DOCK3: variants seen among roughly 807,000 people sequenced by gnomAD.
DOCK3 encodes dedicator of cytokinesis protein 3.
In DOCK3, 60 loss-of-function variants were observed where a neutral mutation model predicts 265.6. The observed-to-expected ratio is 0.23, with a 90% CI of 0.18 to 0.28. DOCK3 has a LOEUF of 0.28. DOCK3 is among the 10% of genes least tolerant of loss of function. The pLI is 1.00. For synonymous variants in DOCK3, 881 were observed against 938.0 expected (o/e 0.94, Z 1.11); for missense variants, 1,981 against 2,594.3 (o/e 0.76, Z 5.14).
intron 5 of DOCK3, among the ~76,000 whole-genome samples, chr3:51,033,533 A>G (rs1421164070): frequency 6.6e-6 from 1 of 152,236 alleles, no homozygotes; most frequent in Non-Finnish European, 1.5e-5. Flanking sequence ...TATAGATCAT[A>G]CTTATCTAAA....
chr3:51,256,214 C>T (rs2079536700), intron 22 of DOCK3, among the ~76,000 whole-genome samples: 1 of 152,330 alleles, frequency 6.6e-6, no homozygotes, highest in East Asian at 1.9e-4. Flanking sequence ...CTGCATCGCT[C>T]ACGCTGGGAG....
intron 1 of DOCK3, among the ~76,000 whole-genome samples, chr3:50,693,435 T>C (rs2035379082): frequency 6.6e-6 from 1 of 152,084 alleles, no homozygotes; most frequent in Non-Finnish European, 1.5e-5. Flanking sequence ...ATTTTTCATT[T>C]TTTGGTTAAA....
chr3:50,957,567 A>T (rs1296400760), intron 5 of DOCK3, among the ~76,000 whole-genome samples: 1 of 152,222 alleles, frequency 6.6e-6, no homozygotes, highest in Non-Finnish European at 1.5e-5. Flanking sequence ...TTGTCTCATC[A>T]TTCTGTGCAC....
intron 5 of DOCK3, among the ~76,000 whole-genome samples, chr3:50,992,498 T>C (rs1336082320): frequency 6.6e-6 from 1 of 152,158 alleles, no homozygotes; most frequent in Non-Finnish European, 1.5e-5. Context: ...GGTTTCACCA[T>C]GTTGGCTAGG....
intron 1 of DOCK3, among the ~76,000 whole-genome samples, chr3:50,742,572 G>A (rs1333084249): frequency 1.5e-4 from 23 of 151,906 alleles, no homozygotes; most frequent in African/African-American, 5.1e-4. Flanking sequence ...GAGCCGATGC[G>A]ATCAACTGGA....
At chr3:50,916,075 G>C (rs890525896) in intron 4 of DOCK3, among the ~76,000 whole-genome samples, 4 of 152,014 alleles carry the variant, frequency 2.6e-5, no homozygotes, top group Non-Finnish European at 5.9e-5. Flanking sequence ...GGAGACATGC[G>C]ATAGCCATGT....
intron 1 of DOCK3, among the ~76,000 whole-genome samples, chr3:50,720,273 A>G (rs2037392563): frequency 1.3e-5 from 2 of 151,946 alleles, no homozygotes; most frequent in African/African-American, 2.4e-5. Context: ...GTTGTTTTCT[A>G]TTTTCACCCT....
At chr3:50,884,323 T>A (rs1213532376) in intron 3 of DOCK3, among the ~76,000 whole-genome samples, 1 of 152,188 alleles carries the variant, frequency 6.6e-6, no homozygotes, top group Non-Finnish European at 1.5e-5. Flanking sequence ...ACTCCTGACC[T>A]CAGGTGATTT....
chr3:51,250,505 A>G (rs533067676), intron 22 of DOCK3, among the ~76,000 whole-genome samples: 1 of 152,010 alleles, frequency 6.6e-6, no homozygotes, highest in Non-Finnish European at 1.5e-5. Context: ...TGTAATCCCA[A>G]CTACTCACGA....
chr3:50,939,197 C>CCATAAATTGTCAAAA (rs1345420294), intron 5 of DOCK3, among the ~76,000 whole-genome samples: 1 of 151,968 alleles, frequency 6.6e-6, no homozygotes, highest in African/African-American at 2.4e-5. Context: ...TTCTAGAAAA[C>CCATAAATTGTCAAAA]CATAAATTGT....
intron 2 of DOCK3, among the ~76,000 whole-genome samples, chr3:50,837,833 G>A (rs140226986): frequency 5.3e-5 from 8 of 152,302 alleles, no homozygotes; most frequent in African/African-American, 1.7e-4. Flanking sequence ...GTATAAAGGT[G>A]CTGAGGCGGG....
intron 3 of DOCK3, among the ~76,000 whole-genome samples, chr3:50,843,128 A>G (rs2045920040): frequency 6.6e-6 from 1 of 152,222 alleles, no homozygotes. Flanking sequence ...TTTTGATTAT[A>G]TCTTCCTACA....
At chr3:50,846,693 G>A (rs987646648) in intron 3 of DOCK3, among the ~76,000 whole-genome samples, 7 of 152,062 alleles carry the variant, frequency 4.6e-5, no homozygotes, top group African/African-American at 1.7e-4. Context: ...ACTTGATATT[G>A]GTCTGTTCAG....
At chr3:50,786,748 C>T (rs767172794) in intron 2 of DOCK3, 10 of 732,432 alleles carry the variant, frequency 1.4e-5, no homozygotes, top group South Asian at 5.4e-5. Context: ...AATACTGCTT[C>T]GTGTTGAAAT....
chr3:51,081,858 T>C (rs1263779630), intron 7 of DOCK3, among the ~76,000 whole-genome samples: 3 of 138,528 alleles, frequency 2.2e-5, no homozygotes, highest in Non-Finnish European at 4.5e-5. Flanking sequence ...ATCGCGCCAC[T>C]GGAATCTAGC....
At chr3:50,732,986 A>G (rs1335383621) in intron 1 of DOCK3, among the ~76,000 whole-genome samples, 1 of 152,096 alleles carries the variant, frequency 6.6e-6, no homozygotes, top group African/African-American at 2.4e-5. Flanking sequence ...TAATTTAAAG[A>G]TGGGAGGCTG....
At chr3:50,772,666 A>T (rs997234725) in intron 1 of DOCK3, among the ~76,000 whole-genome samples, 1 of 152,228 alleles carries the variant, frequency 6.6e-6, no homozygotes, top group Admixed American at 6.5e-5. Flanking sequence ...TCTCAAAAAG[A>T]AATCAAGAAA....
intron 12 of DOCK3, among the ~76,000 whole-genome samples, chr3:51,206,519 C>T (rs972656867): frequency 2.0e-5 from 3 of 151,352 alleles, no homozygotes; most frequent in Non-Finnish European, 2.9e-5. Flanking sequence ...ATAGAGCAAG[C>T]TGGAAAGGAT....
At chr3:50,770,218 C>CA (rs900217023) in intron 1 of DOCK3, among the ~76,000 whole-genome samples, 16 of 151,638 alleles carry the variant, frequency 1.1e-4, no homozygotes, top group African/African-American at 2.7e-4. Flanking sequence ...AAGACTCCAA[C>CA]AAAAAAACAA....
Sources: gnomAD v4.1 joint callset for allele counts (sites outside exome capture counted in the v4.1 genomes callset) on GRCh38, gnomAD v4.1.1 for gene constraint, MANE v1.5 for transcripts, NCBI Gene and HGNC (gene_info 2026-07-23, HGNC 2026-07-21) for gene names.